The following QRFPR variants were observed in gnomAD, a reference collection of about 807,000 sequenced individuals.
The protein encoded by QRFPR is pyroglutamylated RF-amide peptide receptor.
A neutral mutation model predicts 31.3 loss-of-function variants in QRFPR; 37 were observed. That is an observed-to-expected ratio of 1.18 (90% CI 0.91 to 1.56). The LOEUF (loss-of-function observed/expected upper bound fraction) is 1.56. Among genes scored for constraint, QRFPR ranks in the 40% most tolerant of loss-of-function variants. The probability of loss-of-function intolerance (pLI) is 0.00; values close to 1 mark genes in which losing one functional copy is unlikely to be tolerated. For synonymous variants in QRFPR, 197 were observed against 192.0 expected (o/e 1.03, Z -0.22); for missense variants, 542 against 532.5 (o/e 1.02, Z -0.18).
intron 2 of QRFPR, among the ~76,000 whole-genome samples, chr4:121,338,620 C>G (rs979167704): frequency 2.6e-5 from 4 of 152,168 alleles, no homozygotes; most frequent in African/African-American, 7.2e-5. Flanking sequence ...GATTTGACAT[C>G]CCCTGTCTAG....
intron 1 of QRFPR, among the ~76,000 whole-genome samples, chr4:121,376,635 G>A (rs1297615340): frequency 6.6e-6 from 1 of 151,406 alleles, no homozygotes; most frequent in Non-Finnish European, 1.5e-5. Flanking sequence ...CCAGTTTTAA[G>A]ATAACAACAT....
intron 1 of QRFPR, 116 bp downstream of exon 1, chr4:121,380,189 GAGA>G (rs1726449339): frequency 3.4e-5 from 4 of 117,904 alleles, no homozygotes; most frequent in Non-Finnish European, 5.8e-5. Flanking sequence ...CGAGAGAGGA[GAGA>G]GAGAGAGAGA....
At chr4:121,351,096 G>T (rs1725752670) in intron 1 of QRFPR, among the ~76,000 whole-genome samples, 2 of 152,164 alleles carry the variant, frequency 1.3e-5, no homozygotes, top group African/African-American at 4.8e-5. Context: ...ATAAAAGAAA[G>T]AAGGAAAGAC....
intron 4 of QRFPR, among the ~76,000 whole-genome samples, chr4:121,331,288 G>A (rs939828892): frequency 7.0e-6 from 1 of 142,126 alleles, no homozygotes; most frequent in African/African-American, 2.6e-5. Context: ...CTCAATAAGT[G>A]ATCCTCCCAC....
At chr4:121,363,637 A>G (rs1726031680) in intron 1 of QRFPR, among the ~76,000 whole-genome samples, 1 of 150,360 alleles carries the variant, frequency 6.7e-6, no homozygotes, top group Non-Finnish European at 1.5e-5. Context: ...AAAAGGATAT[A>G]TAGAAAAGCC....
At chr4:121,329,814 C>T in intron 5 of QRFPR, 100 bp from the exon 6 acceptor site, 1 of 907,350 alleles carries the variant, frequency 1.1e-6, no homozygotes, top group Non-Finnish European at 1.6e-6. Flanking sequence ...GTACAAGTAT[C>T]TGAAGGTGTG....
intron 1 of QRFPR, among the ~76,000 whole-genome samples, chr4:121,360,677 T>C (rs1287760741): frequency 6.6e-6 from 1 of 152,230 alleles, no homozygotes; most frequent in African/African-American, 2.4e-5. Flanking sequence ...AATGACTTCA[T>C]GACTCATTCA....
At chr4:121,346,101 A>G (rs1416233233) in intron 1 of QRFPR, among the ~76,000 whole-genome samples, 1 of 152,246 alleles carries the variant, frequency 6.6e-6, no homozygotes, top group Non-Finnish European at 1.5e-5. Context: ...AACAATGTGA[A>G]TAGACACATT....
Position 121,355,395 on chromosome 4 carries a change from T to A in QRFPR, c.341-14785A>T, listed in dbSNP as rs542958881. 5.9e-5 allele frequency among the ~76,000 whole-genome samples: 9 copies of A among 152,260 alleles called. No homozygotes were observed. In the East Asian group the frequency reaches 1.3e-3, roughly 23 times the overall value. The stretch of plus-strand genomic sequence containing the variant: ...ACAGTCTCTAATGATCATCTGAATT[T>A]CTGTGGTATCAGTTGTAATGTCTCC... On this transcript the variant is annotated intron_variant, in intron 1 of 5. Transcript: ENST00000394427.
chr4:121,347,258 G>A (rs13110738), intron 1 of QRFPR, among the ~76,000 whole-genome samples: 112,286 of 152,082 alleles, frequency 0.74, 43,262 homozygotes, highest in East Asian at 0.88. Context: ...AAAATCAGAA[G>A]GGCTACAATA....
In QRFPR at chr4:121,378,608, A is replaced by T. The variant is rs979768344; in HGVS notation, c.340+1700T>A. On this transcript the variant is annotated intron_variant, in intron 1 of 5. Coordinates refer to ENST00000394427, the MANE Select transcript of QRFPR (RefSeq NM_198179.3). Reference sequence around the variant, plus strand: ...TTTTGTTGTTGTTTGTATTTTTAGTAGAGACGGGGTTTCACCGTGTTAGCC... The same window carrying T: ...TTTTGTTGTTGTTTGTATTTTTAGTTGAGACGGGGTTTCACCGTGTTAGCC... 2.0e-5 allele frequency among the ~76,000 whole-genome samples: 3 copies of T among 151,958 alleles called. No homozygotes were observed. In the South Asian group the frequency reaches 6.2e-4, roughly 32 times the overall value.
Position 121,380,188 on chromosome 4 carries a change from A to AGAGAGAGGGG in QRFPR, c.340+119_340+120insCCCCTCTCTC. Reference sequence around the variant, plus strand: ...GAGAGAGACAGACAGACGAGAGAGGAGAGAGAGAGAGAGAGAGAGAGAGAG... The same window carrying AGAGAGAGGGG: ...GAGAGAGACAGACAGACGAGAGAGGAGAGAGAGGGGGAGAGAGAGAGAGAGAGAGAGAGAG... On this transcript the variant is annotated intron_variant, in intron 1 of 5. Coordinates refer to ENST00000394427, the MANE Select transcript of QRFPR (RefSeq NM_198179.3). 5.3e-5 allele frequency: 5 copies of AGAGAGAGGGG among 94,454 alleles called. 1 individual carries two copies. The highest frequency in any genetic ancestry group is 5.4e-5 in the Non-Finnish European group (3 of 55,688). 5.9% of individuals were successfully genotyped at this position (94,454 alleles called of 1,614,324 possible). A position where few individuals can be genotyped will look rare whatever the true frequency, so the allele number is the denominator to read the frequency against.
At chr4:121,366,524 A>G (rs775246220) in intron 1 of QRFPR, among the ~76,000 whole-genome samples, 7 of 140,032 alleles carry the variant, frequency 5.0e-5, no homozygotes, top group Non-Finnish European at 9.3e-5. Context: ...AATTCTGGGT[A>G]TCCAACCGAA....
intron 1 of QRFPR, among the ~76,000 whole-genome samples, chr4:121,354,171 G>A (rs76497143): frequency 0.044 from 6,670 of 151,896 alleles, 228 homozygotes; most frequent in East Asian, 0.11. Flanking sequence ...CTTTTTGCTC[G>A]GGATGGCTTT....
Position 121,332,968 on chromosome 4 carries a change from A to G in QRFPR, c.650T>C (p.Phe217Ser). 6.2e-7 allele frequency: 1 copy of G among 1,614,022 alleles called. No individual in the cohort carries two copies. The highest frequency in any genetic ancestry group is 8.5e-7 in the Non-Finnish European group (1 of 1,179,932). ...CAGGAGGAAGAGGATGACAAGGATGAAGGTGGTGTAGATCTTCTGGTGCAC... is the reference window on the plus strand; with the variant it reads ...CAGGAGGAAGAGGATGACAAGGATGGAGGTGGTGTAGATCTTCTGGTGCAC... The part of the protein sequence containing the change: ...SPVHQKIYTT[F>S]ILVILFLLPL... The change falls in exon 4 of 6, where the codon TTC (phenylalanine) becomes TCC (serine). Residue 217 changes from phenylalanine to serine, a missense_variant. Phe to Ser is a radical substitution (Grantham distance 155, BLOSUM62 -2). Coordinates refer to ENST00000394427, the MANE Select transcript of QRFPR (RefSeq NM_198179.3).
intron 1 of QRFPR, among the ~76,000 whole-genome samples, chr4:121,377,275 T>G (rs1306040540): frequency 6.6e-6 from 1 of 152,174 alleles, no homozygotes; most frequent in Non-Finnish European, 1.5e-5. Flanking sequence ...TCCTGCCCCC[T>G]TTAGAGGAGA....
intron 1 of QRFPR, among the ~76,000 whole-genome samples, chr4:121,375,616 C>A (rs1299540926): frequency 6.6e-6 from 1 of 152,100 alleles, no homozygotes; most frequent in Non-Finnish European, 1.5e-5. Flanking sequence ...GGTGAAAGAC[C>A]ATGGCTTATG....
At chr4:121,364,817 G>A (rs1028910348) in intron 1 of QRFPR, among the ~76,000 whole-genome samples, 1 of 149,720 alleles carries the variant, frequency 6.7e-6, no homozygotes, top group South Asian at 2.1e-4. Context: ...TAAAGGGAAA[G>A]GTAGAGGATA....
intron 1 of QRFPR, among the ~76,000 whole-genome samples, chr4:121,355,618 T>C (rs1236204769): frequency 1.3e-5 from 2 of 152,100 alleles, no homozygotes; most frequent in Admixed American, 1.3e-4. Flanking sequence ...TGGTTTGTTC[T>C]TGTCTTTCTA....
Sources: gnomAD v4.1 joint callset for allele counts (sites outside exome capture counted in the v4.1 genomes callset) on GRCh38, gnomAD v4.1.1 for gene constraint, MANE v1.5 for transcripts, NCBI Gene and HGNC (gene_info 2026-07-23, HGNC 2026-07-21) for gene names.